Variants in RNF130 observed in about 807,000 individuals in gnomAD.
RNF130 encodes E3 ubiquitin-protein ligase RNF130.
Under a neutral mutation model 44.6 loss-of-function variants are expected in RNF130, and 21 were observed. The ratio of observed to expected loss-of-function variants is 0.47; its 90% CI spans 0.33 to 0.68. RNF130 has a LOEUF of 0.68. Ranked by LOEUF, RNF130 falls within the 30% of genes least tolerant of loss-of-function variation. The pLI is 0.02. For missense variants in RNF130, 479 were observed against 560.6 expected (o/e 0.85, Z 1.47); for synonymous variants, 214 against 210.4 (o/e 1.02, Z -0.15).
At chr5:180,049,868 C>G (rs1417242807) in intron 1 of RNF130, among the ~76,000 whole-genome samples, 1 of 151,986 alleles carries the variant, frequency 6.6e-6, no homozygotes. Context: ...TCATTTCCCC[C>G]TTTTCCTCAT....
intron 7 of RNF130, chr5:179,939,715 CA>C: frequency 6.8e-6 from 3 of 440,098 alleles, no homozygotes; most frequent in South Asian, 1.8e-5. Flanking sequence ...AATCCACTTC[CA>C]AAAGACGGAA....
chr5:180,064,621 AT>A (rs1765057492), intron 1 of RNF130, among the ~76,000 whole-genome samples: 1 of 151,882 alleles, frequency 6.6e-6, no homozygotes, highest in Non-Finnish European at 1.5e-5. Context: ...TGTTATGTTC[AT>A]TTTCCTCTGT....
At chr5:179,957,195 T>C (rs1332502773) in intron 8 of RNF130, among the ~76,000 whole-genome samples, 1 of 152,182 alleles carries the variant, frequency 6.6e-6, no homozygotes, top group African/African-American at 2.4e-5. Flanking sequence ...GTGGATCACC[T>C]GAGGTCAGGA....
chr5:180,015,737 A>AAAAGGAGGAGG (rs1763711670), intron 2 of RNF130, among the ~76,000 whole-genome samples: 2 of 13,858 alleles, frequency 1.4e-4, no homozygotes, highest in Non-Finnish European at 3.0e-4. Flanking sequence ...AAGGAGTAGG[A>AAAAGGAGGAGG]AAAGGAGTAG....
intron 1 of RNF130, among the ~76,000 whole-genome samples, chr5:180,060,634 C>T (rs1389409945): frequency 6.6e-6 from 1 of 152,164 alleles, no homozygotes; most frequent in Admixed American, 6.5e-5. Flanking sequence ...CTTGGGGCTT[C>T]AAGAGGCAAC....
chr5:180,002,481 A>G (rs540741754), intron 3 of RNF130, among the ~76,000 whole-genome samples: 1 of 152,258 alleles, frequency 6.6e-6, no homozygotes, highest in Admixed American at 6.5e-5. Flanking sequence ...ATAGCACAGC[A>G]GCTGTGTGGG....
chr5:180,021,409 A>G lies in RNF130; in HGVS notation c.443-8098T>C, dbSNP rs189954115. 1.8e-3 allele frequency among the ~76,000 whole-genome samples: 280 copies of G among 152,280 alleles called. 2 individuals carry two copies. Among genetic ancestry groups the G allele is most frequent in the Non-Finnish European group, 2.8e-3 (190 of 68,020 alleles). On this transcript the variant is annotated intron_variant, in intron 2 of 8. Transcript: ENST00000521389. The stretch of plus-strand genomic sequence containing the variant: ...AATACCATCAACCACAAGGTACATC[A>G]TTATGTATCATGAAGAAAAAAATCT...
intron 1 of RNF130, among the ~76,000 whole-genome samples, chr5:180,061,780 A>G (rs889496858): frequency 2.6e-5 from 4 of 152,198 alleles, no homozygotes; most frequent in Non-Finnish European, 4.4e-5. Flanking sequence ...ATTTCCAAAT[A>G]AGGGCACATT....
intron 3 of RNF130, among the ~76,000 whole-genome samples, chr5:179,995,261 G>C (rs1440423039): frequency 1.3e-5 from 2 of 152,130 alleles, no homozygotes; most frequent in African/African-American, 4.8e-5. Context: ...ACAGGAATCA[G>C]ACAGACCATA....
intron 5 of RNF130, among the ~76,000 whole-genome samples, chr5:179,974,411 G>A (rs1203624303): frequency 4.6e-5 from 7 of 152,260 alleles, no homozygotes; most frequent in Non-Finnish European, 8.8e-5. Context: ...AACATCCAAA[G>A]GAGAATCAGC....
chr5:179,973,034 A>G (rs1314819391), intron 5 of RNF130, among the ~76,000 whole-genome samples: 1 of 152,096 alleles, frequency 6.6e-6, no homozygotes, highest in East Asian at 1.9e-4. Context: ...TCCTCAGCTA[A>G]ATGAAAATCT....
At chr5:180,042,600 G>C (rs145273656) in intron 1 of RNF130, among the ~76,000 whole-genome samples, 3,604 of 152,302 alleles carry the variant, frequency 0.024, 70 homozygotes, top group Non-Finnish European at 0.038. Context: ...TCAGTGACCT[G>C]TTACGATAAT....
chr5:179,928,979 A>C lies in RNF130; in HGVS notation c.1151-8553T>G, dbSNP rs1761768187. Among the ~76,000 whole-genome samples the C allele has an allele frequency of 2.0e-5, 3 of 152,150 alleles. No homozygotes were observed. In the South Asian group the frequency reaches 6.2e-4, roughly 32 times the overall value. Reference sequence around the variant, plus strand: ...AAATTTCTTAATTTTAGTGTGGAACAAATTATCTAACTTTTATTTTATGGT... The same window carrying C: ...AAATTTCTTAATTTTAGTGTGGAACCAATTATCTAACTTTTATTTTATGGT... On this transcript the variant is annotated intron_variant, in intron 7 of 7. Coordinates refer to the RNF130 transcript ENST00000522208.
In RNF130 at chr5:179,977,929, G is replaced by A. The variant is rs377120691; in HGVS notation, c.848+274C>T. Among the ~76,000 whole-genome samples, 9 of 152,114 alleles carry A rather than the reference G, an allele frequency of 5.9e-5. No individual in the cohort carries two copies. The highest frequency in any genetic ancestry group is 1.7e-4 in the African/African-American group (7 of 41,422). Reference sequence around the variant, plus strand: ...ACGAAACCATAGAACAAGAATTCTCGACCTCAACACTCCTAGGCTGTGTCT... The same window carrying A: ...ACGAAACCATAGAACAAGAATTCTCAACCTCAACACTCCTAGGCTGTGTCT... On this transcript the variant is annotated intron_variant, in intron 5 of 8. Coordinates refer to ENST00000521389, the MANE Select transcript of RNF130 (RefSeq NM_018434.6). The surrounding 1 kb of genome is among the most constrained non-coding windows in gnomAD (Gnocchi z 4.1).
intron 1 of RNF130, among the ~76,000 whole-genome samples, chr5:180,069,363 C>A (rs1765192693): frequency 6.6e-6 from 1 of 152,114 alleles, no homozygotes; most frequent in Non-Finnish European, 1.5e-5. Context: ...TGTGTGAAGA[C>A]CCTTGGTACA....
At chr5:180,034,156 G>A (rs1188463662) in intron 2 of RNF130, among the ~76,000 whole-genome samples, 1 of 148,636 alleles carries the variant, frequency 6.7e-6, no homozygotes, top group East Asian at 2.0e-4. Flanking sequence ...TGCACCTACC[G>A]AAAATGGTTA....
At chr5:180,058,414 TGAG>T (rs1764888129) in intron 1 of RNF130, among the ~76,000 whole-genome samples, 1 of 152,234 alleles carries the variant, frequency 6.6e-6, no homozygotes, top group Non-Finnish European at 1.5e-5. Flanking sequence ...CAGATGAACC[TGAG>T]GACATATGCT....
intron 7 of RNF130, among the ~76,000 whole-genome samples, chr5:179,938,622 A>G (rs963639110): frequency 1.3e-5 from 2 of 152,182 alleles, no homozygotes; most frequent in African/African-American, 4.8e-5. Context: ...TACCAGCTTT[A>G]CATTTTAAAA....
At chr5:179,991,951 T>G (rs1225036813) in intron 3 of RNF130, among the ~76,000 whole-genome samples, 1 of 152,018 alleles carries the variant, frequency 6.6e-6, no homozygotes, top group Non-Finnish European at 1.5e-5. Flanking sequence ...CACAGTAGGC[T>G]TCACACTCCT....
Sources: gnomAD v4.1 joint callset for allele counts (sites outside exome capture counted in the v4.1 genomes callset) on GRCh38, gnomAD v4.1.1 for gene constraint, Gnocchi (gnomAD v3.1) non-coding constraint, MANE v1.5 for transcripts, NCBI Gene and HGNC (gene_info 2026-07-23, HGNC 2026-07-21) for gene names.